Variants in STK39 observed in about 807,000 individuals in gnomAD.
STK39 encodes the protein serine/threonine kinase 39, also known as STE20/SPS1-related proline-alanine-rich protein kinase.
A neutral mutation model predicts 77.8 loss-of-function variants in STK39; 20 were observed. That is an observed-to-expected ratio of 0.26 (90% CI 0.18 to 0.37). The LOEUF is 0.37. STK39 is among the 10% of genes least tolerant of loss of function. STK39 has a pLI of 1.00. For synonymous variants in STK39, 246 were observed against 234.1 expected (o/e 1.05, Z -0.47); for missense variants, 479 against 656.5 (o/e 0.73, Z 2.95).
intron 1 of STK39, 152 bp downstream of exon 1, chr2:168,247,076 A>C (rs1455814350): frequency 7.1e-6 from 2 of 282,218 alleles, no homozygotes; most frequent in Non-Finnish European, 1.1e-5. Context: ...AAAAAAAAAA[A>C]AAAAAAAAAA....
At chr2:168,161,092 C>G (rs899189727) in intron 5 of STK39, among the ~76,000 whole-genome samples, 1 of 152,128 alleles carries the variant, frequency 6.6e-6, no homozygotes, top group South Asian at 2.1e-4. Flanking sequence ...CAAAAAATGC[C>G]AAGAACACTC....
chr2:168,207,788 G>C (rs1177204337), intron 1 of STK39, among the ~76,000 whole-genome samples: 1 of 70,966 alleles, frequency 1.4e-5, no homozygotes. Flanking sequence ...ATTTAGCCTC[G>C]TGTTACAGAT....
chr2:167,987,363 ACT>A (rs1237589501), intron 16 of STK39, among the ~76,000 whole-genome samples: 5 of 151,818 alleles, frequency 3.3e-5, no homozygotes, highest in African/African-American at 9.7e-5. Context: ...GCTTTTTAAA[ACT>A]CTGTGATAGC....
intron 5 of STK39, among the ~76,000 whole-genome samples, chr2:168,142,678 G>A (rs1688014258): frequency 6.6e-6 from 1 of 152,186 alleles, no homozygotes; most frequent in Non-Finnish European, 1.5e-5. Context: ...CAATATATCT[G>A]TAATGATACA....
intron 1 of STK39, among the ~76,000 whole-genome samples, chr2:168,215,311 G>A (rs572632273): frequency 5.3e-5 from 8 of 152,126 alleles, no homozygotes; most frequent in East Asian, 1.9e-4. Context: ...ATTTTACAGG[G>A]GAGAAAAAAA....
chr2:167,969,019 C>T lies in STK39; in HGVS notation c.1499-4293G>A, dbSNP rs142690252. Among the ~76,000 whole-genome samples, 3 of 152,290 alleles carry T rather than the reference C, an allele frequency of 2.0e-5. No individual in the cohort carries two copies. In the East Asian group the frequency reaches 5.8e-4, roughly 29 times the overall value. On this transcript the variant is annotated intron_variant, in intron 16 of 17. Coordinates refer to ENST00000355999, the MANE Select transcript of STK39 (RefSeq NM_013233.3). ...GGGGTTCAAATCCTCCTCCTGCTCA[C>T]AGCTGTGTGACCTTCCTGAACGAAG... is the stretch of plus-strand genomic sequence containing the variant.
intron 10 of STK39, among the ~76,000 whole-genome samples, chr2:168,075,455 T>C (rs1341528381): frequency 1.3e-5 from 2 of 152,104 alleles, no homozygotes; most frequent in African/African-American, 2.4e-5. Flanking sequence ...TGCATTACTA[T>C]ATACATGAAG....
At chr2:168,010,775 A>T (rs1199827367) in intron 16 of STK39, among the ~76,000 whole-genome samples, 4 of 152,236 alleles carry the variant, frequency 2.6e-5, no homozygotes, top group Admixed American at 2.6e-4. Context: ...GTATGTAAAT[A>T]ACATACTGGA....
chr2:168,136,100 A>T (rs11681470), intron 8 of STK39, among the ~76,000 whole-genome samples: 23 of 151,876 alleles, frequency 1.5e-4, no homozygotes, highest in Non-Finnish European at 2.6e-4. Flanking sequence ...CGGGTGCGGT[A>T]GCTCATGCCT....
At chr2:168,073,360 G>C (rs1447655103) in intron 12 of STK39, among the ~76,000 whole-genome samples, 1 of 152,206 alleles carries the variant, frequency 6.6e-6, no homozygotes, top group African/African-American at 2.4e-5. Context: ...CAAATGTTTT[G>C]TGAGTCAATG....
chr2:168,062,369 ATTCT>A (rs1685686873), intron 14 of STK39, among the ~76,000 whole-genome samples: 1 of 152,232 alleles, frequency 6.6e-6, no homozygotes, highest in Admixed American at 6.5e-5. Flanking sequence ...GGGCTACCTC[ATTCT>A]TTAGTGATTG....
At position 168,136,991 on chromosome 2, in the gene STK39, T is replaced by C. The variant is rs150495686; in HGVS notation, c.974+1097A>G. Among the ~76,000 whole-genome samples the C allele has an allele frequency of 3.7e-4, 56 of 152,290 alleles. No homozygotes were observed. The East Asian group carries it at 9.3e-3, about 25-fold the overall frequency. On this transcript the variant is annotated intron_variant, in intron 8 of 17. Transcript: ENST00000355999. Reference sequence around the variant, plus strand: ...GGCTCCATGAGAAAAGTGATTGATATGGAAAAGATTCAAGGCAAATTCAGC... The same window carrying C: ...GGCTCCATGAGAAAAGTGATTGATACGGAAAAGATTCAAGGCAAATTCAGC...
At chr2:168,203,007 C>T (rs755040319) in intron 1 of STK39, among the ~76,000 whole-genome samples, 2 of 152,136 alleles carry the variant, frequency 1.3e-5, no homozygotes, top group Non-Finnish European at 2.9e-5. Flanking sequence ...AGTAGAACAG[C>T]GTTTCTCCAC....
intron 5 of STK39, among the ~76,000 whole-genome samples, chr2:168,157,657 T>TA: frequency 6.6e-6 from 1 of 152,260 alleles, no homozygotes; most frequent in South Asian, 2.1e-4. Context: ...GCACTGGCCC[T>TA]ACTCATGAGG....
rs1178691336 is a variant in STK39 at position 167,977,245 on chromosome 2, A to G, written c.1499-12519T>C. 2.0e-5 allele frequency among the ~76,000 whole-genome samples: 3 copies of G among 152,186 alleles called. No homozygotes were observed. In the East Asian group the frequency reaches 5.8e-4, roughly 29 times the overall value. ...TCCTGAATTTCCTTTAATGTGTTTA[A>G]GGTACAGTTTTATGAACTAGCTGAC... On this transcript the variant is annotated intron_variant, in intron 16 of 17. Coordinates refer to ENST00000355999, the MANE Select transcript of STK39 (RefSeq NM_013233.3).
intron 16 of STK39, among the ~76,000 whole-genome samples, chr2:167,988,509 T>A (rs2105278567): frequency 6.6e-6 from 1 of 152,254 alleles, no homozygotes; most frequent in Middle Eastern, 3.4e-3. Context: ...CACTCAAGAA[T>A]TTGACAGCTG....
rs1685605246 is a variant in STK39, at chr2:168,059,359, T to A, written c.1376+4141A>T. On this transcript the variant is annotated intron_variant, in intron 14 of 17. Transcript: ENST00000355999. ...ATGTAATTAAAGTTCCAAATCAGTT[T>A]GATTTTGAGTTCATCAAAAAGGAGA... Among the ~76,000 whole-genome samples, 3 of 152,198 alleles carry A rather than the reference T, an allele frequency of 2.0e-5. No individual in the cohort carries two copies. In the South Asian group the frequency reaches 6.2e-4, roughly 32 times the overall value.
At chr2:168,051,108 G>C (rs1685384316) in intron 14 of STK39, among the ~76,000 whole-genome samples, 1 of 152,168 alleles carries the variant, frequency 6.6e-6, no homozygotes, top group Non-Finnish European at 1.5e-5. Flanking sequence ...TGGTAACGGA[G>C]AACTGAAATA....
At chr2:168,229,798 G>A (rs562598164) in intron 1 of STK39, among the ~76,000 whole-genome samples, 1 of 152,124 alleles carries the variant, frequency 6.6e-6, no homozygotes, top group Admixed American at 6.5e-5. Context: ...AAGTCAGTCT[G>A]GAATAAAACA....
Sources: gnomAD v4.1 joint callset for allele counts (sites outside exome capture counted in the v4.1 genomes callset) on GRCh38, gnomAD v4.1.1 for gene constraint, MANE v1.5 for transcripts, NCBI Gene and HGNC (gene_info 2026-07-23, HGNC 2026-07-21) for gene names.